Variants in NPAS3 observed in about 807,000 individuals in gnomAD.
NPAS3 encodes neuronal PAS domain-containing protein 3.
Under a neutral mutation model 73.1 loss-of-function variants are expected in NPAS3, and 14 were observed. The ratio of observed to expected loss-of-function variants is 0.19; its 90% confidence interval spans 0.13 to 0.30. The LOEUF is 0.30. NPAS3 is among the 10% of genes least tolerant of loss of function. NPAS3 has a pLI of 1.00. For missense variants in NPAS3, 1,096 were observed against 1,250.0 expected (o/e 0.88, Z 1.86); for synonymous variants, 620 against 541.5 (o/e 1.14, Z -2.01).
chr14:32,987,788 TA>T (rs1375121351), intron 1 of NPAS3, among the ~76,000 whole-genome samples: 3 of 152,182 alleles, frequency 2.0e-5, no homozygotes, highest in African/African-American at 7.2e-5. Context: ...TTATTGTATG[TA>T]AAAAATACTT....
At chr14:33,343,413 C>CTACTATA (rs1465815979) in intron 3 of NPAS3, among the ~76,000 whole-genome samples, 1 of 152,170 alleles carries the variant, frequency 6.6e-6, no homozygotes, top group Non-Finnish European at 1.5e-5. Flanking sequence ...GCCACCTCTG[C>CTACTATA]TACTATATCC....
intron 4 of NPAS3, among the ~76,000 whole-genome samples, chr14:33,424,079 C>A (rs762633613): frequency 6.6e-6 from 1 of 151,968 alleles, no homozygotes; most frequent in Non-Finnish European, 1.5e-5. Context: ...GCAGCTATAA[C>A]AAATGCCCTC....
intron 1 of NPAS3, among the ~76,000 whole-genome samples, chr14:32,955,782 T>C (rs1175448021): frequency 6.6e-6 from 1 of 152,130 alleles, no homozygotes; most frequent in Non-Finnish European, 1.5e-5. Flanking sequence ...TTCCCATTTC[T>C]GTCAAAAATC....
intron 1 of NPAS3, among the ~76,000 whole-genome samples, chr14:32,963,325 A>AT (rs2037009756): frequency 1.3e-5 from 2 of 152,234 alleles, no homozygotes; most frequent in Admixed American, 1.3e-4. Flanking sequence ...GAAACAGCAG[A>AT]TAAGGACATT....
chr14:33,178,070 A>AT (rs780708461), intron 2 of NPAS3, among the ~76,000 whole-genome samples: 27,626 of 123,668 alleles, frequency 0.22, 3,943 homozygotes, highest in South Asian at 0.33. Flanking sequence ...ATTGAAGTGA[A>AT]TTTTTTTTGT....
chr14:33,050,508 T>A (rs2040666168), intron 1 of NPAS3, among the ~76,000 whole-genome samples: 1 of 152,218 alleles, frequency 6.6e-6, no homozygotes, highest in Non-Finnish European at 1.5e-5. Flanking sequence ...CCATCTTATC[T>A]GCATACCTTC....
chr14:33,553,331 T>A (rs2055208313), intron 4 of NPAS3, among the ~76,000 whole-genome samples: 1 of 152,190 alleles, frequency 6.6e-6, no homozygotes, highest in Non-Finnish European at 1.5e-5. Flanking sequence ...CTTTGCTAGC[T>A]CAGTGTCTCT....
At position 32,939,400 on chromosome 14, in the gene NPAS3, G is replaced by A. The variant is rs559430189; in HGVS notation, c.50+34G>A. The A allele has an allele frequency of 5.4e-5, 34 of 624,062 alleles. 1 individual carries two copies. The East Asian group carries it at 6.6e-4, about 12-fold the overall frequency. 38.7% of individuals were successfully genotyped at this position (624,062 alleles called of 1,614,324 possible). On this transcript the variant is annotated intron_variant, in intron 1 of 11. Coordinates refer to ENST00000356141, the Ensembl canonical transcript of NPAS3. ...TTTCTGTTTATTGAACCTGCCGCCG[G>A]GCCGCTGCTCCCGCCGCCGCCGCCT...
rs1164291944 is a variant in NPAS3 at position 33,492,636 on chromosome 14, G to A, written c.469-67485G>A. Among the ~76,000 whole-genome samples the A allele has an allele frequency of 2.6e-5, 4 of 152,296 alleles. No homozygotes were observed. In the East Asian group the frequency reaches 7.7e-4, roughly 29 times the overall value. Reference sequence around the variant, plus strand: ...TGTAAATAGGATACACATTGGACATGGTTTGGCTCCTCTTGGTAACGGAAA... The same window carrying A: ...TGTAAATAGGATACACATTGGACATAGTTTGGCTCCTCTTGGTAACGGAAA... On this transcript the variant is annotated intron_variant, in intron 4 of 11. Transcript: ENST00000356141.
chr14:33,130,687 G>T, intron 2 of NPAS3, among the ~76,000 whole-genome samples: 1 of 152,092 alleles, frequency 6.6e-6, no homozygotes, highest in East Asian at 1.9e-4. Flanking sequence ...GGAGGAGCTG[G>T]CTTCCTAGTC....
intron 5 of NPAS3, among the ~76,000 whole-genome samples, chr14:33,578,764 G>A (rs537340716): frequency 8.5e-5 from 13 of 152,220 alleles, no homozygotes; most frequent in Non-Finnish European, 1.5e-4. Context: ...TAGGATCAGA[G>A]GTCATTTAGG....
chr14:33,800,135 G>C lies in NPAS3; in HGVS notation c.1828G>C (p.Gly610Arg), dbSNP rs767887544. 1 of 1,583,622 alleles carries C rather than the reference G, an allele frequency of 6.3e-7. No individual in the cohort carries two copies. The highest frequency in any genetic ancestry group is 1.3e-5 in the African/African-American group (1 of 74,612). ...GAAAAGGCGGAAACGGCAAAAGGGC[G>C]GCAGCGCCAGCCGCCGGCGCCTGTC... Residue 610 changes from glycine (G) to arginine (R), a missense_variant, in exon 12 of 12, where the codon GGC becomes CGC. Gly to Arg is a moderately radical substitution (Grantham distance 125, BLOSUM62 -2). Coordinates refer to ENST00000356141, the Ensembl canonical transcript of NPAS3. This position sits in a 1 kb window ranked among gnomAD's most constrained non-coding sequence, Gnocchi z 6.5.
chr14:33,300,092 T>C (rs2042468453), intron 3 of NPAS3, among the ~76,000 whole-genome samples: 1 of 152,234 alleles, frequency 6.6e-6, no homozygotes, highest in South Asian at 2.1e-4. Context: ...TTCTTTGTGA[T>C]TAAAACATGT....
intron 2 of NPAS3, among the ~76,000 whole-genome samples, chr14:33,099,483 A>G (rs576824192): frequency 2.0e-5 from 3 of 152,316 alleles, no homozygotes; most frequent in African/African-American, 7.2e-5. Context: ...TGAAGGAAAA[A>G]AAAATGTAGT....
intron 4 of NPAS3, among the ~76,000 whole-genome samples, chr14:33,542,678 G>A (rs752771120): frequency 2.6e-5 from 4 of 152,186 alleles, no homozygotes; most frequent in Non-Finnish European, 5.9e-5. Flanking sequence ...AATGTCCATG[G>A]CTTCCACTTT....
chr14:33,353,040 T>G (rs1443223078), intron 3 of NPAS3, among the ~76,000 whole-genome samples: 1 of 152,086 alleles, frequency 6.6e-6, no homozygotes, highest in Non-Finnish European at 1.5e-5. Flanking sequence ...TATTTTCTTC[T>G]GAGTACTAAG....
At chr14:33,064,058 C>G (rs1257976725) in intron 2 of NPAS3, among the ~76,000 whole-genome samples, 1 of 152,024 alleles carries the variant, frequency 6.6e-6, no homozygotes, top group Non-Finnish European at 1.5e-5. Flanking sequence ...CATTTTCACA[C>G]CAAAGTACAG....
chr14:33,364,341 A>G (rs889649065), intron 3 of NPAS3, among the ~76,000 whole-genome samples: 3 of 152,220 alleles, frequency 2.0e-5, no homozygotes. Flanking sequence ...GCCAAATGTG[A>G]TAGGATAAGT....
At chr14:32,979,416 A>G (rs551828131) in intron 1 of NPAS3, among the ~76,000 whole-genome samples, 11 of 152,188 alleles carry the variant, frequency 7.2e-5, no homozygotes, top group Non-Finnish European at 1.5e-4. Context: ...TCATTTAATA[A>G]TTGGAAAAAA....
Sources: allele counts gnomAD v4.1 joint callset (sites outside exome capture counted in the v4.1 genomes callset), GRCh38; gene constraint gnomAD v4.1.1; non-coding constraint Gnocchi (gnomAD v3.1); transcripts MANE v1.5; gene names NCBI Gene and HGNC (gene_info 2026-07-23, HGNC 2026-07-21).